DLG2: variants seen among roughly 807,000 people sequenced by gnomAD.
The protein encoded by DLG2 is discs large MAGUK scaffold protein 2.
DLG2 carries 45 observed loss-of-function variants against 132.5 expected under a neutral mutation model. The ratio of observed to expected loss-of-function variants is 0.34; its 90% CI spans 0.27 to 0.44. The LOEUF (loss-of-function observed/expected upper bound fraction) is 0.44, where lower values mean the gene tolerates loss of function less well. Ranked by LOEUF, DLG2 falls within the 20% of genes least tolerant of loss-of-function variation. The pLI, the probability that DLG2 is intolerant of heterozygous loss-of-function variation, is 1.00. For synonymous variants in DLG2, 424 were observed against 419.6 expected (o/e 1.01, Z -0.13); for missense variants, 1,045 against 1,196.9 (o/e 0.87, Z 1.87).
At chr11:84,290,818 A>T (rs7106602) in intron 7 of DLG2, among the ~76,000 whole-genome samples, 18,357 of 152,126 alleles carry the variant, frequency 0.12, 1,281 homozygotes, top group African/African-American at 0.19. Flanking sequence ...TACATTGTTT[A>T]AAAAAGCAAG....
At chr11:85,063,540 T>A (rs959042372) in intron 6 of DLG2, among the ~76,000 whole-genome samples, 12 of 151,800 alleles carry the variant, frequency 7.9e-5, no homozygotes, top group African/African-American at 2.9e-4. Context: ...GTACACCTTA[T>A]GACTAAAAGA....
At chr11:84,119,916 C>A (rs1690029516) in intron 9 of DLG2, among the ~76,000 whole-genome samples, 1 of 152,188 alleles carries the variant, frequency 6.6e-6, no homozygotes, top group African/African-American at 2.4e-5. Flanking sequence ...ATGCCTCCTA[C>A]TGACTTTGTA....
intron 7 of DLG2, among the ~76,000 whole-genome samples, chr11:84,267,418 C>T (rs2097654544): frequency 6.6e-6 from 1 of 152,208 alleles, no homozygotes; most frequent in Admixed American, 6.5e-5. Flanking sequence ...CTGTCCTCAG[C>T]TGATCTGTTT....
intron 6 of DLG2, among the ~76,000 whole-genome samples, chr11:85,011,779 T>C (rs1276250814): frequency 1.3e-5 from 2 of 152,188 alleles, no homozygotes; most frequent in Non-Finnish European, 2.9e-5. Flanking sequence ...CTTATAAGAC[T>C]CCTCCATCTA....
In DLG2 at chr11:85,466,084, T is replaced by G. The variant is rs1321278040; in HGVS notation, c.40+132573A>C. On this transcript the variant is annotated intron_variant, in intron 3 of 27. Transcript: ENST00000376104. Reference sequence around the variant, plus strand: ...ATGATGAGCATGTTTTCATGTGTCTTTTGACTACATAAATGTCTTCTTTTG... The same window carrying G: ...ATGATGAGCATGTTTTCATGTGTCTGTTGACTACATAAATGTCTTCTTTTG... Among the ~76,000 whole-genome samples the G allele has an allele frequency of 2.6e-5, 4 of 152,370 alleles. No individual in the cohort carries two copies. In the South Asian group the frequency reaches 8.3e-4, roughly 32 times the overall value.
At chr11:84,071,942 A>G (rs190882636) in intron 10 of DLG2, among the ~76,000 whole-genome samples, 1 of 152,348 alleles carries the variant, frequency 6.6e-6, no homozygotes, top group Admixed American at 6.5e-5. Context: ...GCTCTGAGGA[A>G]TCCAGTCAGG....
intron 10 of DLG2, among the ~76,000 whole-genome samples, chr11:84,068,251 C>T (rs1015608743): frequency 2.0e-5 from 3 of 152,212 alleles, no homozygotes; most frequent in Non-Finnish European, 2.9e-5. Flanking sequence ...TTCTTCCCAG[C>T]GCTTAATTGT....
chr11:84,700,672 G>A (rs1043955627), intron 6 of DLG2, among the ~76,000 whole-genome samples: 3 of 151,656 alleles, frequency 2.0e-5, no homozygotes, highest in Non-Finnish European at 4.4e-5. Context: ...AGAGAGGTTT[G>A]ACGGCTTGCT....
chr11:83,992,473 G>A (rs1305515625), intron 11 of DLG2, among the ~76,000 whole-genome samples: 2 of 152,082 alleles, frequency 1.3e-5, no homozygotes, highest in African/African-American at 4.8e-5. Flanking sequence ...GAAAATAAGG[G>A]AGTGGGGAGA....
intron 6 of DLG2, among the ~76,000 whole-genome samples, chr11:84,912,154 T>G (rs2154077995): frequency 6.6e-6 from 1 of 152,206 alleles, no homozygotes; most frequent in Non-Finnish European, 1.5e-5. Context: ...TTTATTTATT[T>G]ATTTATTTAT....
chr11:84,185,720 T>A (rs897744019), intron 8 of DLG2, among the ~76,000 whole-genome samples: 1 of 152,116 alleles, frequency 6.6e-6, no homozygotes, highest in Admixed American at 6.6e-5. Context: ...GTCATAGATA[T>A]CTCTTATTAT....
chr11:84,106,343 T>A (rs1249275138), intron 9 of DLG2, among the ~76,000 whole-genome samples: 8 of 152,184 alleles, frequency 5.3e-5, no homozygotes, highest in Non-Finnish European at 1.2e-4. Context: ...CTGTCTCATG[T>A]TACGATATCT....
At chr11:84,234,887 G>A (rs1361050142) in intron 8 of DLG2, among the ~76,000 whole-genome samples, 1 of 152,212 alleles carries the variant, frequency 6.6e-6, no homozygotes, top group African/African-American at 2.4e-5. Context: ...ACATTCTGTA[G>A]AAAATCCCCT....
At chr11:85,510,391 G>A (rs530362183) in intron 3 of DLG2, among the ~76,000 whole-genome samples, 14 of 152,200 alleles carry the variant, frequency 9.2e-5, no homozygotes, top group Admixed American at 3.9e-4. Context: ...AAACTAAAGA[G>A]CTTCTGCACA....
intron 11 of DLG2, among the ~76,000 whole-genome samples, chr11:84,020,240 G>A (rs1456052987): frequency 6.6e-6 from 1 of 152,058 alleles, no homozygotes; most frequent in African/African-American, 2.4e-5. Flanking sequence ...TAATATTTAG[G>A]TATTCTTTAT....
chr11:84,205,097 A>G lies in DLG2; in HGVS notation c.574-41586T>C, dbSNP rs192565147. ...AATCATAATAATAGTGAACTGCGTT[A>G]TTAAAGGAGATGATGTAGACTGTAA... On this transcript the variant is annotated intron_variant, in intron 8 of 27. Coordinates refer to ENST00000376104, the MANE Select transcript of DLG2 (RefSeq NM_001142699.3). Among the ~76,000 whole-genome samples, 7 of 152,342 alleles carry G rather than the reference A, an allele frequency of 4.6e-5. No individual in the cohort carries two copies. In the East Asian group the frequency reaches 1.3e-3, roughly 29 times the overall value.
At chr11:84,114,626 G>A (rs2093540150) in intron 9 of DLG2, among the ~76,000 whole-genome samples, 1 of 152,152 alleles carries the variant, frequency 6.6e-6, no homozygotes, top group African/African-American at 2.4e-5. Flanking sequence ...TTTTTCTGCG[G>A]CTGCACGGAG....
intron 7 of DLG2, among the ~76,000 whole-genome samples, chr11:84,472,563 T>C (rs530982898): frequency 6.6e-6 from 1 of 152,076 alleles, no homozygotes; most frequent in East Asian, 1.9e-4. Flanking sequence ...TTAAAATTTG[T>C]AGTTCAATAA....
At chr11:85,366,746 A>G (rs781200726) in intron 3 of DLG2, among the ~76,000 whole-genome samples, 10 of 152,106 alleles carry the variant, frequency 6.6e-5, no homozygotes, top group Non-Finnish European at 1.3e-4. Flanking sequence ...TATAGCCATA[A>G]TCGTTGGATT....
Sources: allele counts gnomAD v4.1 joint callset (sites outside exome capture counted in the v4.1 genomes callset), GRCh38; gene constraint gnomAD v4.1.1; transcripts MANE v1.5; gene names NCBI Gene and HGNC (gene_info 2026-07-23, HGNC 2026-07-21).